The following KCNH7 variants were observed in gnomAD, a reference collection of about 807,000 sequenced individuals.
KCNH7 encodes the protein voltage-gated inwardly rectifying potassium channel KCNH7.
KCNH7 carries 49 observed loss-of-function variants against 120.8 expected under a neutral mutation model. That is an observed-to-expected ratio of 0.41 (90% CI 0.32 to 0.51). The LOEUF (loss-of-function observed/expected upper bound fraction) is 0.51, where lower values mean the gene tolerates loss of function less well. KCNH7 is among the 20% of genes least tolerant of loss of function. The pLI is 0.38. For synonymous variants in KCNH7, 547 were observed against 516.1 expected (o/e 1.06, Z -0.81); for missense variants, 1,097 against 1,446.6 (o/e 0.76, Z 3.92).
At chr2:162,729,882 A>AT (rs1391777397) in intron 2 of KCNH7, among the ~76,000 whole-genome samples, 2 of 151,738 alleles carry the variant, frequency 1.3e-5, no homozygotes, top group African/African-American at 4.8e-5. Flanking sequence ...TTTTGTGAAA[A>AT]TTTTTTTTCT....
At position 162,695,248 on chromosome 2, in the gene KCNH7, T is replaced by C. The variant is rs143308161; in HGVS notation, c.307+141289A>G. On this transcript the variant is annotated intron_variant, in intron 2 of 15. Transcript: ENST00000332142. The stretch of plus-strand genomic sequence containing the variant: ...TCGGTTGGGTTATCTATGTTAAGTA[T>C]ATTAATTTTCTATATGCTGTTAACC... Among the ~76,000 whole-genome samples, 599 of 152,306 alleles carry C rather than the reference T, an allele frequency of 3.9e-3. 1 individual carries two copies. The highest frequency in any genetic ancestry group is 6.8e-3 in the Non-Finnish European group (464 of 68,030).
intron 14 of KCNH7, 115 bp from the exon 15 acceptor site, chr2:162,373,777 G>T: frequency 1.7e-6 from 1 of 575,016 alleles, no homozygotes; most frequent in Non-Finnish European, 2.8e-6. Flanking sequence ...CTTTAAACAA[G>T]AAGGACAGGA....
chr2:162,691,115 T>C (rs1686087093), intron 2 of KCNH7, among the ~76,000 whole-genome samples: 2 of 152,072 alleles, frequency 1.3e-5, no homozygotes, highest in Admixed American at 6.6e-5. Flanking sequence ...TAAACAGACA[T>C]CTCTCCAAAC....
chr2:162,605,970 G>T (rs973399404), intron 2 of KCNH7, among the ~76,000 whole-genome samples: 1 of 152,006 alleles, frequency 6.6e-6, no homozygotes, highest in African/African-American at 2.4e-5. Context: ...ACTCCAATAT[G>T]CCAAGACTTT....
At chr2:162,632,431 C>A (rs1180500672) in intron 2 of KCNH7, among the ~76,000 whole-genome samples, 1 of 151,968 alleles carries the variant, frequency 6.6e-6, no homozygotes, top group South Asian at 2.1e-4. Flanking sequence ...CATAGGATAT[C>A]AATTTCCCTT....
intron 2 of KCNH7, among the ~76,000 whole-genome samples, chr2:162,718,202 C>T (rs1198856460): frequency 2.0e-5 from 3 of 151,840 alleles, no homozygotes; most frequent in Non-Finnish European, 4.4e-5. Flanking sequence ...TTTTTTTTAA[C>T]ATATCAGATG....
At chr2:162,463,337 T>G (rs779402293) in intron 6 of KCNH7, among the ~76,000 whole-genome samples, 1 of 151,924 alleles carries the variant, frequency 6.6e-6, no homozygotes, top group Non-Finnish European at 1.5e-5. Flanking sequence ...CCTCTCTCCT[T>G]TTCCTCCTTC....
intron 2 of KCNH7, among the ~76,000 whole-genome samples, chr2:162,539,289 A>G (rs1015930533): frequency 3.3e-5 from 5 of 152,152 alleles, no homozygotes; most frequent in African/African-American, 1.2e-4. Flanking sequence ...CAAAATACAT[A>G]TTGATTTTAC....
intron 2 of KCNH7, among the ~76,000 whole-genome samples, chr2:162,641,555 A>T (rs962139845): frequency 8.2e-6 from 1 of 121,700 alleles, no homozygotes; most frequent in African/African-American, 4.1e-5. Flanking sequence ...TCTGTATTTA[A>T]AAAAAAAAAA....
At chr2:162,453,420 A>G (rs1358815052) in intron 6 of KCNH7, among the ~76,000 whole-genome samples, 1 of 152,188 alleles carries the variant, frequency 6.6e-6, no homozygotes, top group African/African-American at 2.4e-5. Flanking sequence ...GCTGCAATGA[A>G]CATACATGTG....
chr2:162,594,242 C>T (rs1055923319), intron 2 of KCNH7, among the ~76,000 whole-genome samples: 2 of 134,240 alleles, frequency 1.5e-5, no homozygotes, highest in Admixed American at 1.5e-4. Flanking sequence ...AGTATTCCTT[C>T]CTTTGGAACC....
intron 6 of KCNH7, among the ~76,000 whole-genome samples, chr2:162,483,320 G>A (rs1689989034): frequency 1.3e-5 from 2 of 151,970 alleles, no homozygotes; most frequent in Non-Finnish European, 2.9e-5. Context: ...GTTAATAATG[G>A]GCTATACCAA....
rs67006443 is a variant in KCNH7 at position 162,492,865 on chromosome 2, GTTTTT to G, written c.1128+11573_1128+11577del. The stretch of plus-strand genomic sequence containing the variant: ...CTATGTTTTTCTCTTCTTGGATCTT[GTTTTT>G]TTTTTTTTTTTTTTTTTTTTTTGGA... On this transcript the variant is annotated intron_variant, in intron 6 of 15. Transcript: ENST00000332142. Among the ~76,000 whole-genome samples the G allele has an allele frequency of 6.3e-3, 358 of 57,192 alleles. 1 individual carries two copies. Among genetic ancestry groups the G allele is most frequent in the Middle Eastern group, 0.02 (1 of 50 alleles). 37.5% of individuals were successfully genotyped at this position (57,192 alleles called of 152,430 possible).
Position 162,678,977 on chromosome 2 carries a change from A to T in KCNH7, c.308-141897T>A, listed in dbSNP as rs75198121. 3.9e-3 allele frequency among the ~76,000 whole-genome samples: 589 copies of T among 151,788 alleles called. 3 individuals are homozygous for T. The highest frequency in any genetic ancestry group is 0.013 in the African/African-American group (543 of 41,522). ...ATTGTCACCAATGCCTTTGCAGGAT[A>T]TTTGAATCCAGGAGATTTATATTCC... On this transcript the variant is annotated intron_variant, in intron 2 of 15. Coordinates refer to ENST00000332142, the MANE Select transcript of KCNH7 (RefSeq NM_033272.4).
Position 162,379,944 on chromosome 2 carries a change from G to A in KCNH7, c.3040C>T (p.Arg1014Ter), listed in dbSNP as rs1686353609. The A allele has an allele frequency of 6.2e-7, 1 of 1,614,028 alleles. No individual in the cohort carries two copies. The highest frequency in any genetic ancestry group is 8.5e-7 in the Non-Finnish European group (1 of 1,179,958). Residue 1014 changes from arginine (R) to a stop codon, truncating the protein, a stop_gained, in exon 14 of 16, where the codon CGA becomes TGA. Coordinates refer to ENST00000332142, the MANE Select transcript of KCNH7 (RefSeq NM_033272.4). LOFTEE classifies it high-confidence loss of function. Reference protein sequence around the residue: ...PEDSSPSALQRAAWGISETES... With the variant: ...PEDSSPSALQ ...GTTTCAGAGATACCCCAGGCAGCTC[G>A]CTGAAGTGCAGATGGACTGGAGTCT...
intron 2 of KCNH7, among the ~76,000 whole-genome samples, chr2:162,717,548 G>A (rs1316832793): frequency 6.6e-6 from 1 of 152,030 alleles, no homozygotes; most frequent in Non-Finnish European, 1.5e-5. Context: ...CCTTCTGGTA[G>A]GAACACATTT....
chr2:162,612,472 G>A (rs894382608), intron 2 of KCNH7, among the ~76,000 whole-genome samples: 11 of 151,942 alleles, frequency 7.2e-5, no homozygotes, highest in African/African-American at 2.4e-4. Context: ...TAGGTTTAAA[G>A]TTCAAATTTG....
At chr2:162,513,594 C>T (rs951338086) in intron 4 of KCNH7, among the ~76,000 whole-genome samples, 9 of 151,298 alleles carry the variant, frequency 5.9e-5, no homozygotes, top group Admixed American at 1.3e-4. Flanking sequence ...CAAGAATCCT[C>T]GTGCCTGAGC....
At chr2:162,769,503 A>G (rs1434379960) in intron 2 of KCNH7, among the ~76,000 whole-genome samples, 3 of 152,146 alleles carry the variant, frequency 2.0e-5, no homozygotes, top group African/African-American at 4.8e-5. Flanking sequence ...ACATACTGCT[A>G]TTGCAACCGG....
Sources: gnomAD v4.1 joint callset for allele counts (sites outside exome capture counted in the v4.1 genomes callset) on GRCh38, gnomAD v4.1.1 for gene constraint, MANE v1.5 for transcripts, NCBI Gene and HGNC (gene_info 2026-07-23, HGNC 2026-07-21) for gene names.